The following ASNS variants were observed in gnomAD, a reference collection of about 807,000 sequenced individuals.
The protein encoded by ASNS is asparagine synthetase [glutamine-hydrolyzing].
In ASNS, 37 loss-of-function variants were observed where a neutral mutation model predicts 62.6. The observed-to-expected ratio is 0.59, with a 90% CI of 0.45 to 0.78. The LOEUF is 0.78. Among genes scored for constraint, ASNS ranks in the 30% least tolerant of loss-of-function variants. The pLI is 0.00. For missense variants in ASNS, 520 were observed against 682.4 expected (o/e 0.76, Z 2.65); for synonymous variants, 207 against 237.9 (o/e 0.87, Z 1.19).
the ASNS span, among the ~76,000 whole-genome samples, chr7:97,891,023 G>A: frequency 6.6e-6 from 1 of 152,312 alleles, no homozygotes; most frequent in East Asian, 1.9e-4. Flanking sequence ...GAACAAAGGT[G>A]TATTAGTCTG....
intron 3 of ASNS, among the ~76,000 whole-genome samples, chr7:97,866,542 TGAG>T (rs1179902717): frequency 6.6e-6 from 1 of 152,224 alleles, no homozygotes; most frequent in Non-Finnish European, 1.5e-5. Flanking sequence ...TGGCAAACTA[TGAG>T]GATGAAAAGT....
intron 7 of ASNS, among the ~76,000 whole-genome samples, chr7:97,857,886 T>C (rs546833332): frequency 6.4e-4 from 97 of 152,236 alleles, no homozygotes; most frequent in African/African-American, 2.1e-3. Flanking sequence ...CTAGTTTTTG[T>C]ATTTTTTTGT....
At chr7:97,856,657 A>T in intron 8 of ASNS, 33 bp downstream of exon 8, 1 of 1,511,998 alleles carries the variant, frequency 6.6e-7, no homozygotes, top group Non-Finnish European at 8.9e-7. Context: ...TATTAAAAAA[A>T]GCTTTTTATT....
the ASNS span, among the ~76,000 whole-genome samples, chr7:97,911,650 G>GCAAA: frequency 6.6e-6 from 1 of 151,824 alleles, no homozygotes; most frequent in African/African-American, 2.4e-5. Flanking sequence ...AAACAAACAA[G>GCAAA]CAAACAAAAA....
intron 1 of ASNS, among the ~76,000 whole-genome samples, chr7:97,870,898 AT>A (rs1248927692): frequency 6.6e-6 from 1 of 152,120 alleles, no homozygotes; most frequent in African/African-American, 2.4e-5. Context: ...AAGTACACTT[AT>A]TTTTTCTAGT....
the ASNS span, among the ~76,000 whole-genome samples, chr7:97,887,925 C>A: frequency 6.8e-6 from 1 of 146,944 alleles, no homozygotes; most frequent in Non-Finnish European, 1.5e-5. Context: ...CTACCAGTAA[C>A]CTATCCAGAA....
intron 4 of ASNS, 93 bp from the exon 5 acceptor site, chr7:97,859,491 C>T: frequency 7.4e-7 from 1 of 1,359,490 alleles, no homozygotes; most frequent in Non-Finnish European, 9.8e-7. Flanking sequence ...CCTATTTTCC[C>T]TTTTTAATAC....
rs1791365871 is a variant in ASNS at position 97,854,998 on chromosome 7, G to T, written c.1138-318C>A. 1.1e-4 allele frequency: 37 copies of T among 334,300 alleles called. No homozygotes were observed. In the South Asian group the frequency reaches 1.3e-3, roughly 12 times the overall value. 20.7% of individuals were successfully genotyped at this position (334,300 alleles called of 1,614,324 possible). ...AACTTTTTTTTTTTTTTTTTTAAGA[G>T]ACGGGGTCTTACTCTGTCAACCAGG... On this transcript the variant is annotated intron_variant, in intron 9 of 12. Transcript: ENST00000394308.
chr7:97,902,203 C>T, the ASNS span, among the ~76,000 whole-genome samples: 1 of 152,162 alleles, frequency 6.6e-6, no homozygotes, highest in East Asian at 1.9e-4. Context: ...GAGATGTAAA[C>T]AACACACTCC....
At chr7:97,917,238 A>C in the ASNS span, among the ~76,000 whole-genome samples, 1 of 130,870 alleles carries the variant, frequency 7.6e-6, no homozygotes, top group African/African-American at 2.8e-5. Flanking sequence ...AAAAAAAAAA[A>C]GGTTAATGAG....
At chr7:97,917,640 G>A in the ASNS span, among the ~76,000 whole-genome samples, 863 of 152,348 alleles carry the variant, frequency 5.7e-3, 10 homozygotes, top group African/African-American at 0.019. Flanking sequence ...ACTGGCTCAG[G>A]ACCTATTAGA....
Position 97,858,417 on chromosome 7 carries a change from A to T in ASNS, c.776-12T>A, listed in dbSNP as rs754288105. ...GGAGTCCAAGCCCCCTACATGCAAA[A>T]GAGGAAGTGGAAGTGTCCTAGTTAT... On this transcript the variant is annotated splice_polypyrimidine_tract_variant and intron_variant, in intron 6 of 12. Coordinates refer to ENST00000394308, the MANE Select transcript of ASNS (RefSeq NM_001673.5). 12 of 1,614,056 alleles carry T rather than the reference A, an allele frequency of 7.4e-6. No individual in the cohort carries two copies. The highest frequency in any genetic ancestry group is 1.0e-5 in the Non-Finnish European group (12 of 1,179,938).
the ASNS span, among the ~76,000 whole-genome samples, chr7:97,878,547 C>T: frequency 2.0e-5 from 3 of 152,268 alleles, no homozygotes; most frequent in Non-Finnish European, 2.9e-5. Flanking sequence ...TTCACAATTG[C>T]TTCAAAGAGA....
the ASNS span, chr7:97,913,170 C>G: frequency 2.6e-5 from 4 of 152,182 alleles, no homozygotes; most frequent in Non-Finnish European, 4.4e-5. Context: ...GCCCCCTCCC[C>G]CAACTGGACA....
At chr7:97,918,078 C>T in the ASNS span, among the ~76,000 whole-genome samples, 1 of 152,166 alleles carries the variant, frequency 6.6e-6, no homozygotes, top group Non-Finnish European at 1.5e-5. Flanking sequence ...AAGCCAGAGT[C>T]CCTGTTAGCA....
chr7:97,897,754 GGTAT>G, the ASNS span, among the ~76,000 whole-genome samples: 1 of 151,382 alleles, frequency 6.6e-6, no homozygotes, highest in African/African-American at 2.4e-5. Flanking sequence ...CCCACTCCTG[GGTAT>G]ATATCCAAAA....
the ASNS span, among the ~76,000 whole-genome samples, chr7:97,901,990 A>ATT: frequency 2.6e-5 from 4 of 151,588 alleles, no homozygotes; most frequent in Non-Finnish European, 5.9e-5. Context: ...GAAAAAAAAA[A>ATT]CCCTTAAGTG....
chr7:97,860,468 C>G (rs1791661547), intron 4 of ASNS, among the ~76,000 whole-genome samples: 1 of 152,124 alleles, frequency 6.6e-6, no homozygotes, highest in African/African-American at 2.4e-5. Context: ...CCAGGCTTTC[C>G]CAGCAGTCCT....
intron 1 of ASNS, chr7:97,871,759 T>C (rs1298822008): frequency 6.6e-6 from 1 of 150,716 alleles, no homozygotes; most frequent in Non-Finnish European, 1.5e-5. Context: ...ACTTGATGAG[T>C]CTTGCAGTCT....
Sources: gnomAD v4.1 joint callset for allele counts (sites outside exome capture counted in the v4.1 genomes callset) on GRCh38, gnomAD v4.1.1 for gene constraint, MANE v1.5 for transcripts, NCBI Gene and HGNC (gene_info 2026-07-23, HGNC 2026-07-21) for gene names.